The following SAMD4A variants were observed in gnomAD, a reference collection of about 807,000 sequenced individuals.
SAMD4A encodes sterile alpha motif domain containing 4A, also known as protein Smaug homolog 1.
SAMD4A carries 33 observed loss-of-function variants against 81.3 expected under a neutral mutation model. That is an observed-to-expected ratio of 0.41 (90% confidence interval 0.31 to 0.54). The LOEUF (loss-of-function observed/expected upper bound fraction) is 0.54. SAMD4A is among the 20% of genes least tolerant of loss of function. The pLI, the probability that SAMD4A is intolerant of heterozygous loss-of-function variation, is 0.37. For synonymous variants in SAMD4A, 389 were observed against 382.1 expected (o/e 1.02, Z -0.21); for missense variants, 854 against 951.1 (o/e 0.90, Z 1.34).
chr14:54,572,539 C>G (rs1234122403), intron 2 of SAMD4A, among the ~76,000 whole-genome samples: 1 of 152,140 alleles, frequency 6.6e-6, no homozygotes, highest in Non-Finnish European at 1.5e-5. Flanking sequence ...CTAAGGGCAG[C>G]TTGGTTGCTG....
chr14:54,748,836 G>T lies in SAMD4A; in HGVS notation c.1001G>T (p.Ser334Ile), dbSNP rs2038029484. 1 of 1,553,300 alleles carries T rather than the reference G, an allele frequency of 6.4e-7. No individual in the cohort carries two copies. Among genetic ancestry groups the T allele is most frequent in the Non-Finnish European group, 8.7e-7 (1 of 1,147,698 alleles). Reference sequence around the variant, plus strand: ...ACAGATGTTCCAGCCTGGCTGAAAAGCCTCCGCCTGCACAAATATGCCGCG... The same window carrying T: ...ACAGATGTTCCAGCCTGGCTGAAAATCCTCCGCCTGCACAAATATGCCGCG... ...GMKDVPAWLK[S>I]LRLHKYAALF... The change falls in exon 5 of 13, where the codon AGC becomes ATC. Residue 334 changes from serine to isoleucine, a missense_variant. Around this residue, in one of 3 missense-constraint regions of SAMD4A, gnomAD observed 39 missense variants for 74.1 expected, o/e 0.53. Coordinates refer to ENST00000554335, the MANE Select transcript of SAMD4A (RefSeq NM_015589.6).
At chr14:54,747,992 T>C (rs1351291151) in intron 4 of SAMD4A, among the ~76,000 whole-genome samples, 1 of 152,268 alleles carries the variant, frequency 6.6e-6, no homozygotes, top group East Asian at 1.9e-4. Context: ...TTCTTAACTT[T>C]AGAATCTCAG....
intron 2 of SAMD4A, among the ~76,000 whole-genome samples, chr14:54,596,579 C>T (rs1427963843): frequency 2.0e-5 from 3 of 152,064 alleles, no homozygotes; most frequent in Non-Finnish European, 2.9e-5. Context: ...AGTGAGACTG[C>T]GTCTCAAAAA....
intron 2 of SAMD4A, among the ~76,000 whole-genome samples, chr14:54,648,333 C>T (rs1220918762): frequency 5.9e-5 from 9 of 152,128 alleles, no homozygotes; most frequent in Admixed American, 5.9e-4. Context: ...CTGGGGAACA[C>T]GGGAGGATTT....
rs986621423 is a variant in SAMD4A at position 54,792,181 on chromosome 14, TAA to T, written c.*3239_*3240del. Reference sequence around the variant, plus strand: ...CACATGCTTTTGAGTTTTCACTTTTTAAACGAGAGCCAGCAAGCAAAATAGAT... The same window carrying T: ...CACATGCTTTTGAGTTTTCACTTTTTACGAGAGCCAGCAAGCAAAATAGAT... On this transcript the variant is annotated 3_prime_UTR_variant, in exon 13 of 13. Coordinates refer to ENST00000554335, the MANE Select transcript of SAMD4A (RefSeq NM_015589.6). 2 of 152,336 alleles carry T rather than the reference TAA, an allele frequency of 1.3e-5. No individual in the cohort carries two copies. Among genetic ancestry groups the T allele is most frequent in the Non-Finnish European group, 2.9e-5 (2 of 68,032 alleles). 9.4% of individuals were successfully genotyped at this position (152,336 alleles called of 1,614,324 possible).
chr14:54,732,215 C>T (rs2037575257), intron 3 of SAMD4A, among the ~76,000 whole-genome samples: 2 of 152,234 alleles, frequency 1.3e-5, no homozygotes, highest in South Asian at 4.1e-4. Flanking sequence ...TTCAAATCTG[C>T]TGATTTTTTT....
chr14:54,772,038 A>G (rs2038719930), intron 9 of SAMD4A, among the ~76,000 whole-genome samples: 1 of 152,208 alleles, frequency 6.6e-6, no homozygotes, highest in African/African-American at 2.4e-5. Context: ...GGATGTTACT[A>G]TAAGGCTGGA....
intron 6 of SAMD4A, among the ~76,000 whole-genome samples, chr14:54,755,704 G>A (rs2038221654): frequency 6.6e-6 from 1 of 152,174 alleles, no homozygotes; most frequent in Admixed American, 6.5e-5. Flanking sequence ...CAGTTGGTGT[G>A]AATGGGTGAG....
intron 2 of SAMD4A, among the ~76,000 whole-genome samples, chr14:54,644,535 T>C (rs2035244066): frequency 6.6e-6 from 1 of 152,146 alleles, no homozygotes. Flanking sequence ...ATAAAGAGGC[T>C]ACATGCAATT....
chr14:54,591,879 T>C (rs1177924617), intron 2 of SAMD4A, among the ~76,000 whole-genome samples: 1 of 152,218 alleles, frequency 6.6e-6, no homozygotes, highest in African/African-American at 2.4e-5. Context: ...GCCTGGAGTC[T>C]GATGGGGTTG....
At chr14:54,713,742 T>C (rs1292435754) in intron 3 of SAMD4A, among the ~76,000 whole-genome samples, 2 of 149,672 alleles carry the variant, frequency 1.3e-5, no homozygotes, top group African/African-American at 2.6e-5. Flanking sequence ...CTTTGCACAG[T>C]AAGACATTGC....
chr14:54,666,749 AT>A (rs2035766777), intron 2 of SAMD4A, among the ~76,000 whole-genome samples: 1 of 152,152 alleles, frequency 6.6e-6, no homozygotes, highest in Non-Finnish European at 1.5e-5. Context: ...TAGGATGGGA[AT>A]TTTTGTGCAA....
intron 2 of SAMD4A, among the ~76,000 whole-genome samples, chr14:54,691,786 C>T (rs552723627): frequency 6.6e-6 from 1 of 152,278 alleles, no homozygotes; most frequent in Admixed American, 6.5e-5. Flanking sequence ...GAGAGCCAGG[C>T]TGAATATGTT....
At chr14:54,660,186 G>A (rs537115321) in intron 2 of SAMD4A, among the ~76,000 whole-genome samples, 24 of 152,068 alleles carry the variant, frequency 1.6e-4, no homozygotes, top group African/African-American at 5.5e-4. Context: ...TTCTTTCTAC[G>A]GTGCTGTGTT....
chr14:54,638,215 G>A (rs1008538666), intron 2 of SAMD4A, among the ~76,000 whole-genome samples: 2 of 152,214 alleles, frequency 1.3e-5, no homozygotes, highest in Non-Finnish European at 2.9e-5. Context: ...TAGGGCAACT[G>A]TGTGTCTGCA....
intron 2 of SAMD4A, among the ~76,000 whole-genome samples, chr14:54,590,326 G>A (rs1296311005): frequency 6.6e-6 from 1 of 151,928 alleles, no homozygotes; most frequent in Non-Finnish European, 1.5e-5. Flanking sequence ...TCATCTCTAC[G>A]GAAAACAAAA....
intron 2 of SAMD4A, among the ~76,000 whole-genome samples, chr14:54,602,085 T>C (rs1187047182): frequency 2.0e-5 from 3 of 152,154 alleles, no homozygotes; most frequent in African/African-American, 7.2e-5. Flanking sequence ...TTTCTCTCAC[T>C]TGGGCTAGAC....
At position 54,702,233 on chromosome 14, in the gene SAMD4A, G is replaced by A. The variant is rs1266053768; in HGVS notation, c.368G>A (p.Arg123Lys). The change falls in exon 3 of 13, where the codon AGG (arginine) becomes AAG (lysine). Residue 123 changes from arginine (R) to lysine (K), a missense_variant. Coordinates refer to ENST00000554335, the MANE Select transcript of SAMD4A (RefSeq NM_015589.6). ...IEHNQHIEES[R>K]QLLSYALIHP... ...CACAACCAGCACATTGAGGAGAGCA[G>A]GCAGCTGCTGTCCTATGCTTTGATA... is the stretch of plus-strand genomic sequence containing the variant. 1 of 1,614,198 alleles carries A rather than the reference G, an allele frequency of 6.2e-7. No homozygotes were observed. Among genetic ancestry groups the A allele is most frequent in the East Asian group, 2.2e-5 (1 of 44,882 alleles).
intron 2 of SAMD4A, among the ~76,000 whole-genome samples, chr14:54,638,503 T>C (rs1235197336): frequency 6.6e-6 from 1 of 152,114 alleles, no homozygotes; most frequent in African/African-American, 2.4e-5. Context: ...AAAATAAACA[T>C]GAAAGAAAAA....
Sources: allele counts gnomAD v4.1 joint callset (sites outside exome capture counted in the v4.1 genomes callset), GRCh38; gene constraint gnomAD v4.1.1; regional missense constraint gnomAD v4.1.1; transcripts MANE v1.5; gene names NCBI Gene and HGNC (gene_info 2026-07-23, HGNC 2026-07-21).